Variants in ASNS observed in about 807,000 individuals in gnomAD.
ASNS encodes the protein asparagine synthetase [glutamine-hydrolyzing].
In ASNS, 37 loss-of-function variants were observed where a neutral mutation model predicts 62.6. That is an observed-to-expected ratio of 0.59 (90% CI 0.45 to 0.78). The LOEUF is 0.78. Ranked by LOEUF, ASNS falls within the 30% of genes least tolerant of loss-of-function variation. The pLI is 0.00. For synonymous variants in ASNS, 207 were observed against 237.9 expected (o/e 0.87, Z 1.19); for missense variants, 520 against 682.4 (o/e 0.76, Z 2.65).
chr7:97,922,724 C>T, the ASNS span, among the ~76,000 whole-genome samples: 1 of 152,154 alleles, frequency 6.6e-6, no homozygotes, highest in East Asian at 1.9e-4. Flanking sequence ...AATTCAACAA[C>T]TCCAAAAAAC....
the ASNS span, among the ~76,000 whole-genome samples, chr7:97,921,095 G>GTGCCCAA: frequency 6.6e-6 from 1 of 152,134 alleles, no homozygotes; most frequent in Non-Finnish European, 1.5e-5. Context: ...CCAGTGCCCA[G>GTGCCCAA]CCACAGTGGT....
the ASNS span, chr7:97,906,376 C>T: frequency 9.6e-6 from 3 of 312,604 alleles, no homozygotes; most frequent in Non-Finnish European, 1.8e-5. Context: ...AAGTAAAGAT[C>T]CTCCAGATAT....
the ASNS span, among the ~76,000 whole-genome samples, chr7:97,912,319 T>C: frequency 1.3e-5 from 2 of 152,190 alleles, no homozygotes; most frequent in African/African-American, 4.8e-5. Context: ...AGGTCCCTTG[T>C]GAATATTTAG....
At position 97,853,305 on chromosome 7, in the gene ASNS, C is replaced by T. The variant is rs755783012; in HGVS notation, c.1320G>A (p.Lys440=). The part of the protein sequence containing the change: ...LSLPPEMRIP[K]NGIEKHLLRE... ...TTTTACCTTGAGTTGATTTACCTAC[C>T]TTTGGAATTCTCATTTCTGGTGGCA... Residue 440 remains lysine (K), a splice_region_variant and synonymous_variant, in exon 11 of 13, where the codon AAG becomes AAA. Coordinates refer to ENST00000394308, the MANE Select transcript of ASNS (RefSeq NM_001673.5). The T allele has an allele frequency of 1.2e-6, 2 of 1,613,678 alleles. No homozygotes were observed. Among genetic ancestry groups the T allele is most frequent in the South Asian group, 2.2e-5 (2 of 91,016 alleles).
the ASNS span, among the ~76,000 whole-genome samples, chr7:97,905,199 C>T: frequency 6.6e-6 from 1 of 152,200 alleles, no homozygotes; most frequent in Non-Finnish European, 1.5e-5. Context: ...CTCCTCATCC[C>T]TCTAAACTTC....
At chr7:97,896,741 C>CACACACACACATAT in the ASNS span, among the ~76,000 whole-genome samples, 41 of 19,772 alleles carry the variant, frequency 2.1e-3, no homozygotes, top group African/African-American at 4.4e-3. Context: ...CACACACACA[C>CACACACACACATAT]ATATATATAT....
upstream of ASNS, chr7:97,872,624 C>G (rs1337592758): frequency 1.3e-5 from 2 of 152,282 alleles, no homozygotes; most frequent in Non-Finnish European, 2.9e-5. Context: ...TAAGGATAGC[C>G]TCAGAGCTCC....
chr7:97,898,698 A>T, the ASNS span: 1 of 655,086 alleles, frequency 1.5e-6, no homozygotes, highest in Non-Finnish European at 2.8e-6. Flanking sequence ...TTTTTAGTAA[A>T]ACCAACACAA....
At chr7:97,869,658 C>T (rs1408195840) in intron 2 of ASNS, 120 bp downstream of exon 2, 3 of 157,398 alleles carry the variant, frequency 1.9e-5, no homozygotes, top group African/African-American at 7.2e-5. Flanking sequence ...CAGTTAAATG[C>T]CCTCTTTATC....
At chr7:97,905,444 T>G in the ASNS span, among the ~76,000 whole-genome samples, 1 of 152,208 alleles carries the variant, frequency 6.6e-6, no homozygotes, top group African/African-American at 2.4e-5. Context: ...AATCTCACCA[T>G]CCAACTCTAG....
At chr7:97,878,885 C>T in the ASNS span, among the ~76,000 whole-genome samples, 1 of 152,190 alleles carries the variant, frequency 6.6e-6, no homozygotes, top group African/African-American at 2.4e-5. Context: ...CGCTACCTGA[C>T]TTCAAACTAT....
intron 10 of ASNS, among the ~76,000 whole-genome samples, 163 bp downstream of exon 10, chr7:97,854,417 A>AT (rs1182761267): frequency 6.6e-6 from 1 of 152,160 alleles, no homozygotes; most frequent in African/African-American, 2.4e-5. Context: ...AAACAGCTTC[A>AT]TTTTCTCTAT....
At chr7:97,909,788 G>C in the ASNS span, among the ~76,000 whole-genome samples, 3 of 151,958 alleles carry the variant, frequency 2.0e-5, no homozygotes, top group Non-Finnish European at 4.4e-5. Context: ...TCCATTTCAG[G>C]GCAAGACCTC....
the ASNS span, among the ~76,000 whole-genome samples, chr7:97,921,002 A>G: frequency 6.6e-6 from 1 of 152,184 alleles, no homozygotes; most frequent in Non-Finnish European, 1.5e-5. Flanking sequence ...GACCCATCTT[A>G]GGAAAATGTT....
chr7:97,922,288 C>G, the ASNS span, among the ~76,000 whole-genome samples: 2 of 152,066 alleles, frequency 1.3e-5, no homozygotes, highest in East Asian at 3.9e-4. Context: ...ATTGATTGAG[C>G]TTGGGAAGTC....
chr7:97,865,447 C>T (rs1377155647), intron 3 of ASNS, among the ~76,000 whole-genome samples: 1 of 152,188 alleles, frequency 6.6e-6, no homozygotes, highest in African/African-American at 2.4e-5. Flanking sequence ...TTAAATGTTT[C>T]TCCAGAGTCA....
chr7:97,890,853 G>T, the ASNS span, among the ~76,000 whole-genome samples: 1 of 152,308 alleles, frequency 6.6e-6, no homozygotes, highest in Non-Finnish European at 1.5e-5. Flanking sequence ...ATGTTTAAGG[G>T]AGTCCTACAT....
chr7:97,858,938 C>T lies in ASNS; in HGVS notation c.691G>A (p.Val231Met), dbSNP rs1791585123. ...AAAAGGATCCTGAGGTTGTTCTTCA[C>T]AGTTTCTATCTCAAAACCTATAAAC... ...KLFPGFEIET[V>M]KNNLRILFNN... The change falls in exon 6 of 13, where the codon GTG becomes ATG. Residue 231 changes from valine (V) to methionine (M), a missense_variant. Transcript: ENST00000394308. 1 of 1,612,848 alleles carries T rather than the reference C, an allele frequency of 6.2e-7. No homozygotes were observed. The highest frequency in any genetic ancestry group is 1.3e-5 in the African/African-American group (1 of 74,862).
chr7:97,853,511 T>A lies in ASNS; in HGVS notation c.1239-125A>T, dbSNP rs557445072. On this transcript the variant is annotated intron_variant, in intron 10 of 12. Transcript: ENST00000394308. ...GAAATGTTAAGGTCATACAGTCACA[T>A]ACAAGCCTCCTAATGACTGCCCTAC... is the stretch of plus-strand genomic sequence containing the variant. The A allele has an allele frequency of 3.9e-5, 29 of 746,382 alleles. No homozygotes were observed. The East Asian group carries it at 7.5e-4, about 19-fold the overall frequency. The allele number at this position is 746,382 out of a possible 1,614,324, so 46.2% of individuals were successfully genotyped here.
Sources: allele counts gnomAD v4.1 joint callset (sites outside exome capture counted in the v4.1 genomes callset), GRCh38; gene constraint gnomAD v4.1.1; transcripts MANE v1.5; gene names NCBI Gene and HGNC (gene_info 2026-07-23, HGNC 2026-07-21).